The following FANCC variants were observed in gnomAD, a reference collection of about 807,000 sequenced individuals.
FANCC encodes the protein FA complementation group C.
Under a neutral mutation model 71.3 loss-of-function variants are expected in FANCC, and 55 were observed. The observed-to-expected ratio is 0.77, with a 90% CI of 0.62 to 0.97. The LOEUF (loss-of-function observed/expected upper bound fraction) is 0.97, where lower values mean the gene tolerates loss of function less well. FANCC is among the 50% of genes least tolerant of loss of function. The pLI is 0.00. For synonymous variants in FANCC, 275 were observed against 244.9 expected (o/e 1.12, Z -1.15); for missense variants, 678 against 670.9 (o/e 1.01, Z -0.12).
At chr9:95,237,182 A>G (rs1484743505) in intron 4 of FANCC, among the ~76,000 whole-genome samples, 1 of 152,190 alleles carries the variant, frequency 6.6e-6, no homozygotes, top group Non-Finnish European at 1.5e-5. Context: ...TTGGTAACTG[A>G]GGAAGGAAAC....
intron 7 of FANCC, among the ~76,000 whole-genome samples, chr9:95,138,410 A>AGG (rs1828057426): frequency 6.6e-6 from 1 of 152,136 alleles, no homozygotes; most frequent in Non-Finnish European, 1.5e-5. Context: ...AGCCCTGGAG[A>AGG]GGGGTTCCTG....
intron 1 of FANCC, among the ~76,000 whole-genome samples, chr9:95,310,537 G>A (rs1835328362): frequency 6.6e-6 from 1 of 152,130 alleles, no homozygotes; most frequent in African/African-American, 2.4e-5. Flanking sequence ...CAAAAATAGA[G>A]TACATACTTC....
chr9:95,222,188 T>C (rs1484811360), intron 4 of FANCC, among the ~76,000 whole-genome samples: 1 of 137,784 alleles, frequency 7.3e-6, no homozygotes, highest in Non-Finnish European at 1.6e-5. Context: ...AAAAAAAAAA[T>C]TGTTCATAGC....
chr9:95,225,467 G>T (rs1829559913), intron 4 of FANCC, among the ~76,000 whole-genome samples: 1 of 152,180 alleles, frequency 6.6e-6, no homozygotes, highest in African/African-American at 2.4e-5. Context: ...GGCATCAGAA[G>T]GGGCCTGGAG....
intron 1 of FANCC, among the ~76,000 whole-genome samples, chr9:95,261,971 C>T (rs984921346): frequency 2.6e-5 from 4 of 152,140 alleles, no homozygotes; most frequent in African/African-American, 7.2e-5. Flanking sequence ...TGAAAAGGAA[C>T]CAGTTCACAA....
At chr9:95,146,895 C>T (rs373792142) in intron 7 of FANCC, among the ~76,000 whole-genome samples, 5 of 151,918 alleles carry the variant, frequency 3.3e-5, no homozygotes, top group East Asian at 1.9e-4. Context: ...CTTGGGCCTA[C>T]GTGGAAACAT....
Position 95,149,382 on chromosome 9 carries a change from T to C in FANCC, c.686+541A>G, listed in dbSNP as rs141705964. On this transcript the variant is annotated intron_variant, in intron 7 of 14. Coordinates refer to ENST00000289081, the MANE Select transcript of FANCC (RefSeq NM_000136.3). ...TGAAATAATATGTACAACAAAACCC[T>C]ATGACATGTGTTTACCTATGTAACA... Among the ~76,000 whole-genome samples, 327 of 152,212 alleles carry C rather than the reference T, an allele frequency of 2.1e-3. 2 individuals carry two copies. Among genetic ancestry groups the C allele is most frequent in the African/African-American group, 7.6e-3 (315 of 41,534 alleles).
At position 95,224,896 on chromosome 9, in the gene FANCC, A is replaced by G. The variant is rs141016881; in HGVS notation, c.345+15753T>C. 5.5e-4 allele frequency among the ~76,000 whole-genome samples: 83 copies of G among 152,262 alleles called. 1 individual carries two copies. The East Asian group carries it at 0.016, about 29-fold the overall frequency. Reference sequence around the variant, plus strand: ...ATTTTTATAACCACTCTTTATGTCTACCATAGAGTAAAGTACTATTCAAAC... The same window carrying G: ...ATTTTTATAACCACTCTTTATGTCTGCCATAGAGTAAAGTACTATTCAAAC... On this transcript the variant is annotated intron_variant, in intron 4 of 14. Transcript: ENST00000289081.
chr9:95,181,131 T>C (rs1440855509), intron 4 of FANCC, among the ~76,000 whole-genome samples: 1 of 146,458 alleles, frequency 6.8e-6, no homozygotes, highest in African/African-American at 2.6e-5. Flanking sequence ...TCTCTATATA[T>C]ACACATACAC....
At chr9:95,194,154 T>C (rs1827274782) in intron 4 of FANCC, among the ~76,000 whole-genome samples, 1 of 152,160 alleles carries the variant, frequency 6.6e-6, no homozygotes, top group African/African-American at 2.4e-5. Flanking sequence ...GGAAACTAGA[T>C]TAATTAAATT....
At chr9:95,277,984 TTC>T (rs747424652) in intron 1 of FANCC, among the ~76,000 whole-genome samples, 5 of 152,354 alleles carry the variant, frequency 3.3e-5, no homozygotes, top group African/African-American at 4.8e-5. Context: ...TGCACATTTT[TTC>T]TCTCTTATTC....
chr9:95,166,161 T>C (rs1831055817), intron 6 of FANCC, among the ~76,000 whole-genome samples: 1 of 152,100 alleles, frequency 6.6e-6, no homozygotes, highest in African/African-American at 2.4e-5. Flanking sequence ...TGGATCTTGT[T>C]TTCTGATCTA....
intron 7 of FANCC, among the ~76,000 whole-genome samples, chr9:95,145,948 G>T (rs748514023): frequency 2.0e-5 from 3 of 152,006 alleles, no homozygotes; most frequent in Non-Finnish European, 2.9e-5. Context: ...GCAATGTGTA[G>T]ATCTGAACTC....
intron 4 of FANCC, among the ~76,000 whole-genome samples, chr9:95,234,043 A>G (rs936274866): frequency 3.3e-5 from 5 of 152,172 alleles, no homozygotes; most frequent in Non-Finnish European, 7.3e-5. Flanking sequence ...TATCTAACTA[A>G]AGGAACCATC....
At chr9:95,251,853 C>T (rs893175237) in intron 1 of FANCC, among the ~76,000 whole-genome samples, 2 of 152,054 alleles carry the variant, frequency 1.3e-5, no homozygotes, top group African/African-American at 4.8e-5. Flanking sequence ...ACAGAGGCAC[C>T]AAGAGATTAC....
intron 3 of FANCC, among the ~76,000 whole-genome samples, chr9:95,246,354 C>A (rs1391859238): frequency 6.6e-6 from 1 of 152,168 alleles, no homozygotes; most frequent in Non-Finnish European, 1.5e-5. Flanking sequence ...CCCTTTCCTG[C>A]CTAGTTCACG....
rs540333210 is a variant in FANCC, at chr9:95,200,796, G to A, written c.346-28649C>T. On this transcript the variant is annotated intron_variant, in intron 4 of 14. Transcript: ENST00000289081. ...CAAGTAACTTATGCATATAACAAGC[G>A]GATGACATATAAATAACAGACCATG... Among the ~76,000 whole-genome samples, 91 of 152,108 alleles carry A rather than the reference G, an allele frequency of 6.0e-4. 2 individuals are homozygous for A. The South Asian group carries it at 0.012, about 19-fold the overall frequency.
intron 1 of FANCC, among the ~76,000 whole-genome samples, chr9:95,278,958 G>A (rs770561499): frequency 4.6e-5 from 7 of 152,078 alleles, no homozygotes; most frequent in African/African-American, 7.2e-5. Flanking sequence ...GGCCAAGACA[G>A]AAGGATCACT....
chr9:95,222,774 C>T (rs1829362539), intron 4 of FANCC, among the ~76,000 whole-genome samples: 1 of 152,116 alleles, frequency 6.6e-6, no homozygotes, highest in Admixed American at 6.5e-5. Context: ...CCTAACAAAG[C>T]TTTTTCATTT....
Sources: gnomAD v4.1 joint callset for allele counts (sites outside exome capture counted in the v4.1 genomes callset) on GRCh38, gnomAD v4.1.1 for gene constraint, MANE v1.5 for transcripts, NCBI Gene and HGNC (gene_info 2026-07-23, HGNC 2026-07-21) for gene names.